The following FOXN3 variants were observed in gnomAD, a reference collection of about 807,000 sequenced individuals.
The protein encoded by FOXN3 is forkhead box protein N3.
A neutral mutation model predicts 38.4 loss-of-function variants in FOXN3; 7 were observed. That is an observed-to-expected ratio of 0.18 (90% CI 0.10 to 0.34). The LOEUF (loss-of-function observed/expected upper bound fraction) is 0.34, where lower values mean the gene tolerates loss of function less well. Among genes scored for constraint, FOXN3 ranks in the 10% least tolerant of loss-of-function variants. The probability of loss-of-function intolerance (pLI) is 1.00; values close to 1 mark genes in which losing one functional copy is unlikely to be tolerated. For missense variants in FOXN3, 456 were observed against 613.4 expected, an observed-to-expected ratio of 0.74 and a Z score of 2.71; for synonymous variants, 230 against 242.2, an observed-to-expected ratio of 0.95 and a Z score of 0.47.
At chr14:89,324,238 G>T (rs1887976850) in intron 3 of FOXN3, among the ~76,000 whole-genome samples, 1 of 152,184 alleles carries the variant, frequency 6.6e-6, no homozygotes, top group Non-Finnish European at 1.5e-5. Context: ...AAAGTTTTCT[G>T]TAACTATTGT....
intron 2 of FOXN3, among the ~76,000 whole-genome samples, chr14:89,375,529 T>C (rs1890454480): frequency 6.6e-6 from 1 of 152,178 alleles, no homozygotes; most frequent in African/African-American, 2.4e-5. Flanking sequence ...GTATTACTAA[T>C]AGCAAGACAG....
chr14:89,480,982 G>A (rs539577667), intron 1 of FOXN3, among the ~76,000 whole-genome samples: 23 of 152,060 alleles, frequency 1.5e-4, no homozygotes, highest in African/African-American at 5.3e-4. Context: ...TTTGAACACT[G>A]ATTAGGAAGG....
upstream of FOXN3, chr14:89,417,880 C>T (rs1891797028): frequency 2.6e-6 from 1 of 386,876 alleles, no homozygotes; most frequent in Non-Finnish European, 5.3e-6. Context: ...AGGCACCGTC[C>T]TAAAGGCCAC....
intron 1 of FOXN3, among the ~76,000 whole-genome samples, chr14:89,465,600 T>G (rs535989486): frequency 6.6e-6 from 1 of 152,352 alleles, no homozygotes; most frequent in African/African-American, 2.4e-5. Context: ...CACAAGGTTA[T>G]GTTTTGTACC....
intron 1 of FOXN3, among the ~76,000 whole-genome samples, chr14:89,415,733 A>C (rs1430383235): frequency 6.6e-6 from 1 of 151,804 alleles, no homozygotes; most frequent in Non-Finnish European, 1.5e-5. Context: ...AAAAAAAAAG[A>C]ATCTGGATCA....
intron 1 of FOXN3, among the ~76,000 whole-genome samples, chr14:89,546,329 C>CTTTTTCTTTT (rs1555359725): frequency 2.6e-5 from 2 of 78,332 alleles, no homozygotes. Context: ...TTTCCTTTTT[C>CTTTTTCTTTT]TTTTTTTTTT....
At position 89,557,070 on chromosome 14, in the gene FOXN3, T is replaced by C. The variant is rs896145039; in HGVS notation, c.-15+61958A>G. On this transcript the variant is annotated intron_variant, in intron 1 of 6. Coordinates refer to the FOXN3 transcript ENST00000345097. The stretch of plus-strand genomic sequence containing the variant: ...GCTGTGGTTTAGTACTCTTGTGCTA[T>C]TAACAAATGGGATTGGAGCTCAGAT... Among the ~76,000 whole-genome samples, 43 of 152,186 alleles carry C rather than the reference T, an allele frequency of 2.8e-4. 1 individual carries two copies. The highest frequency in any genetic ancestry group is 2.9e-5 in the Non-Finnish European group (2 of 68,034).
chr14:89,346,450 A>C lies in FOXN3; in HGVS notation c.680+4222T>G, dbSNP rs142104445. Reference sequence around the variant, plus strand: ...GATGACCTTGGGGCTTTGAGGAGTGAGGATCAAGTTATTTTTGTAGAATGT... The same window carrying C: ...GATGACCTTGGGGCTTTGAGGAGTGCGGATCAAGTTATTTTTGTAGAATGT... On this transcript the variant is annotated intron_variant, in intron 3 of 5. Transcript: ENST00000557258. Among the ~76,000 whole-genome samples, 755 of 152,280 alleles carry C rather than the reference A, an allele frequency of 5.0e-3. 2 individuals are homozygous for C. The highest frequency in any genetic ancestry group is 0.017 in the African/African-American group (704 of 41,558).
chr14:89,584,554 G>C (rs1311025783), intron 1 of FOXN3, among the ~76,000 whole-genome samples: 1 of 151,978 alleles, frequency 6.6e-6, no homozygotes, highest in Non-Finnish European at 1.5e-5. Flanking sequence ...TAGTATAACT[G>C]GTCTTTTTAA....
At chr14:89,431,223 G>GTC (rs755450811) in intron 1 of FOXN3, among the ~76,000 whole-genome samples, 2 of 151,786 alleles carry the variant, frequency 1.3e-5, no homozygotes, top group South Asian at 2.1e-4. Flanking sequence ...TTGAGACAGA[G>GTC]TCTCTCTCTC....
chr14:89,592,455 A>C (rs1045340102), intron 1 of FOXN3, among the ~76,000 whole-genome samples: 3 of 152,172 alleles, frequency 2.0e-5, no homozygotes, highest in African/African-American at 4.8e-5. Flanking sequence ...GAAATCTCAC[A>C]CCGGGGATAA....
At chr14:89,227,710 G>C (rs1884684142) in intron 4 of FOXN3, among the ~76,000 whole-genome samples, 1 of 152,176 alleles carries the variant, frequency 6.6e-6, no homozygotes, top group Non-Finnish European at 1.5e-5. Context: ...GTCACCCTGA[G>C]ATTACCTTAC....
intron 1 of FOXN3, among the ~76,000 whole-genome samples, chr14:89,436,581 G>A (rs1200992263): frequency 1.3e-5 from 2 of 152,196 alleles, no homozygotes; most frequent in East Asian, 1.9e-4. Flanking sequence ...ATGGGCAGCC[G>A]CAGCTTAGGA....
At chr14:89,287,220 C>T (rs546186981) in intron 3 of FOXN3, among the ~76,000 whole-genome samples, 1 of 152,198 alleles carries the variant, frequency 6.6e-6, no homozygotes, top group African/African-American at 2.4e-5. Context: ...GTGGTGTGAT[C>T]TGGGCTCACT....
intron 3 of FOXN3, among the ~76,000 whole-genome samples, chr14:89,305,910 T>C (rs1449904430): frequency 1.3e-5 from 2 of 152,250 alleles, no homozygotes; most frequent in South Asian, 2.1e-4. Context: ...CAGGTGTTTA[T>C]AATTTGTGGA....
chr14:89,596,667 C>T (rs1896061474), intron 1 of FOXN3, among the ~76,000 whole-genome samples: 1 of 152,056 alleles, frequency 6.6e-6, no homozygotes, highest in Admixed American at 6.5e-5. Flanking sequence ...CTGAAGTTTT[C>T]CTTATGGGAA....
At chr14:89,250,808 T>C (rs1464851870) in intron 4 of FOXN3, among the ~76,000 whole-genome samples, 1 of 152,174 alleles carries the variant, frequency 6.6e-6, no homozygotes, top group African/African-American at 2.4e-5. Flanking sequence ...GTTCTTGTGA[T>C]GGTGAAAATG....
chr14:89,185,372 C>G (rs2139801483), intron 4 of FOXN3, among the ~76,000 whole-genome samples: 1 of 152,336 alleles, frequency 6.6e-6, no homozygotes. Context: ...CATTCTGAGG[C>G]CCACAGTTCA....
At chr14:89,321,411 A>G (rs1280611312) in intron 3 of FOXN3, among the ~76,000 whole-genome samples, 5 of 152,080 alleles carry the variant, frequency 3.3e-5, no homozygotes, top group Admixed American at 6.6e-5. Flanking sequence ...ACCCGTCTCT[A>G]TTAAAAATAC....
Sources: gnomAD v4.1 joint callset for allele counts (sites outside exome capture counted in the v4.1 genomes callset) on GRCh38, gnomAD v4.1.1 for gene constraint, MANE v1.5 for transcripts, NCBI Gene and HGNC (gene_info 2026-07-23, HGNC 2026-07-21) for gene names.